DLC1: variants seen among roughly 807,000 people sequenced by gnomAD.
The protein encoded by DLC1 is rho GTPase-activating protein 7.
DLC1 carries 54 observed loss-of-function variants against 140.3 expected under a neutral mutation model. The ratio of observed to expected loss-of-function variants is 0.38; its 90% confidence interval spans 0.31 to 0.48. The LOEUF (loss-of-function observed/expected upper bound fraction) is 0.48, where lower values mean the gene tolerates loss of function less well. DLC1 is among the 20% of genes least tolerant of loss of function. The pLI, the probability that DLC1 is intolerant of heterozygous loss-of-function variation, is 0.96. For synonymous variants in DLC1, 986 were observed against 728.1 expected (o/e 1.35, Z -5.70); for missense variants, 2,536 against 1,907.0 (o/e 1.33, Z -6.14).
intron 5 of DLC1, among the ~76,000 whole-genome samples, chr8:13,272,188 C>T (rs191131737): frequency 2.0e-5 from 3 of 152,282 alleles, no homozygotes; most frequent in African/African-American, 7.2e-5. Context: ...TGGCTCATGC[C>T]TGTAATCTCG....
At position 13,115,649 on chromosome 8, in the gene DLC1, C is replaced by T; in HGVS notation, c.1357G>A (p.Ala453Thr). 1 of 1,614,026 alleles carries T rather than the reference C, an allele frequency of 6.2e-7. No homozygotes were observed. Among genetic ancestry groups the T allele is most frequent in the East Asian group, 2.2e-5 (1 of 44,862 alleles). ...CGTAGCCAATCACAAGCTTCCTTGG[C>T]TTCAATTTCTAGAACAGAACAGAAG... ...ISEKEKAEIE[A>T]KEACDWLRAT... is the part of the protein sequence containing the mutation. The change falls in exon 6 of 18, where the codon GCC (alanine) becomes ACC (threonine). Residue 453 changes from alanine (A) to threonine (T), a missense_variant. Coordinates refer to ENST00000276297, the MANE Select transcript of DLC1 (RefSeq NM_182643.3).
chr8:13,205,022 AC>A (rs1452553059), intron 5 of DLC1, among the ~76,000 whole-genome samples: 2 of 152,162 alleles, frequency 1.3e-5, no homozygotes, highest in Non-Finnish European at 2.9e-5. Flanking sequence ...CAGTCTTGCA[AC>A]ATGGCATTTT....
chr8:13,184,967 T>C (rs1360550296), intron 5 of DLC1, among the ~76,000 whole-genome samples: 2 of 152,184 alleles, frequency 1.3e-5, no homozygotes, highest in African/African-American at 4.8e-5. Context: ...ACTTGCTTTA[T>C]GAATCTGGGT....
intron 1 of DLC1, among the ~76,000 whole-genome samples, chr8:13,577,612 G>T (rs1465467233): frequency 6.6e-6 from 1 of 152,164 alleles, no homozygotes; most frequent in African/African-American, 2.4e-5. Context: ...AACCTACATT[G>T]TATAGGGGAA....
chr8:13,250,661 G>T (rs1829965568), intron 5 of DLC1, among the ~76,000 whole-genome samples: 1 of 152,116 alleles, frequency 6.6e-6, no homozygotes, highest in African/African-American at 2.4e-5. Context: ...TCAGTGCATT[G>T]CTGTGTAAGT....
intron 1 of DLC1, among the ~76,000 whole-genome samples, chr8:13,596,077 C>A (rs1347273250): frequency 6.6e-6 from 1 of 151,872 alleles, no homozygotes; most frequent in African/African-American, 2.4e-5. Flanking sequence ...AACTAAGTTT[C>A]AGTTGGATTT....
At chr8:13,167,517 C>T (rs1055280974) in intron 5 of DLC1, among the ~76,000 whole-genome samples, 3 of 152,072 alleles carry the variant, frequency 2.0e-5, no homozygotes, top group Non-Finnish European at 2.9e-5. Context: ...TTTTATCTAC[C>T]GGGTCTCAAA....
intron 2 of DLC1, among the ~76,000 whole-genome samples, chr8:13,462,095 G>T (rs571140258): frequency 2.0e-5 from 3 of 152,268 alleles, no homozygotes; most frequent in African/African-American, 7.2e-5. Context: ...GAGACTTCCT[G>T]TTGCTCACCT....
At chr8:13,088,463 A>T in intron 16 of DLC1, 24 bp downstream of exon 16, 1 of 1,613,526 alleles carries the variant, frequency 6.2e-7, no homozygotes, top group Non-Finnish European at 8.5e-7. Flanking sequence ...CCTTGTCACA[A>T]AAAAACAACT....
At chr8:13,133,071 C>G in intron 5 of DLC1, 3 of 1,545,346 alleles carry the variant, frequency 1.9e-6, no homozygotes, top group Non-Finnish European at 2.6e-6. Flanking sequence ...CGGCGGCACC[C>G]GAGACGCGCG....
At chr8:13,489,139 G>A (rs953984120) in intron 2 of DLC1, among the ~76,000 whole-genome samples, 5 of 151,868 alleles carry the variant, frequency 3.3e-5, no homozygotes, top group African/African-American at 1.2e-4. Flanking sequence ...TAGAGACAGG[G>A]TTTCATCATA....
chr8:13,246,186 T>C (rs1829756724), intron 5 of DLC1, among the ~76,000 whole-genome samples: 1 of 152,190 alleles, frequency 6.6e-6, no homozygotes, highest in South Asian at 2.1e-4. Context: ...TTTGCAATAA[T>C]GGCGAGTTAA....
intron 4 of DLC1, among the ~76,000 whole-genome samples, chr8:13,349,284 G>A (rs1313006088): frequency 6.6e-6 from 1 of 152,066 alleles, no homozygotes; most frequent in Admixed American, 6.5e-5. Context: ...GGAATGGAGG[G>A]TATGGCTTTA....
At chr8:13,187,886 C>T (rs1043310154) in intron 5 of DLC1, among the ~76,000 whole-genome samples, 1 of 152,094 alleles carries the variant, frequency 6.6e-6, no homozygotes, top group South Asian at 2.1e-4. Flanking sequence ...ATAGTTGTTT[C>T]TTTGTATGGT....
chr8:13,252,628 T>A (rs75332368), intron 5 of DLC1, among the ~76,000 whole-genome samples: 1,576 of 152,330 alleles, frequency 0.01, 22 homozygotes, highest in African/African-American at 0.035. Flanking sequence ...AAGGGACTGT[T>A]TAGAAATCTT....
chr8:13,256,011 A>T (rs1218752810), intron 5 of DLC1, among the ~76,000 whole-genome samples: 1 of 152,208 alleles, frequency 6.6e-6, no homozygotes, highest in Non-Finnish European at 1.5e-5. Flanking sequence ...AAATTTAGAG[A>T]TAACATAATT....
chr8:13,122,050 C>G (rs1051770267), intron 5 of DLC1, among the ~76,000 whole-genome samples: 1 of 152,138 alleles, frequency 6.6e-6, no homozygotes, highest in Non-Finnish European at 1.5e-5. Flanking sequence ...TCCTAACAGC[C>G]TCCTCACGGA....
intron 4 of DLC1, among the ~76,000 whole-genome samples, chr8:13,326,895 C>G (rs188303356): frequency 6.6e-5 from 10 of 152,260 alleles, no homozygotes; most frequent in African/African-American, 2.2e-4. Context: ...TATGGCTGCA[C>G]CCAAGGTGAA....
chr8:13,338,223 A>G (rs1586161221), intron 4 of DLC1, among the ~76,000 whole-genome samples: 1 of 152,352 alleles, frequency 6.6e-6, no homozygotes, highest in East Asian at 1.9e-4. Flanking sequence ...AATCTCAACC[A>G]GTCACAGGTT....
Sources: allele counts gnomAD v4.1 joint callset (sites outside exome capture counted in the v4.1 genomes callset), GRCh38; gene constraint gnomAD v4.1.1; transcripts MANE v1.5; gene names NCBI Gene and HGNC (gene_info 2026-07-23, HGNC 2026-07-21).